Variants in CHRM3 observed in about 807,000 individuals in gnomAD.
CHRM3 encodes muscarinic acetylcholine receptor M3.
Under a neutral mutation model 41.8 loss-of-function variants are expected in CHRM3, and 11 were observed. The ratio of observed to expected loss-of-function variants is 0.26; its 90% CI spans 0.17 to 0.44. The LOEUF (loss-of-function observed/expected upper bound fraction) is 0.44. Among genes scored for constraint, CHRM3 ranks in the 20% least tolerant of loss-of-function variants. The pLI, the probability that CHRM3 is intolerant of heterozygous loss-of-function variation, is 1.00. For synonymous variants in CHRM3, 297 were observed against 301.4 expected (o/e 0.99, Z 0.15); for missense variants, 571 against 745.4 (o/e 0.77, Z 2.72).
At chr1:239,848,512 T>A (rs1416483989) in intron 6 of CHRM3, among the ~76,000 whole-genome samples, 1 of 151,930 alleles carries the variant, frequency 6.6e-6, no homozygotes, top group African/African-American at 2.4e-5. Context: ...GATCTATATA[T>A]GTTGTATATA....
intron 3 of CHRM3, among the ~76,000 whole-genome samples, chr1:239,607,486 C>T (rs1319885691): frequency 1.3e-5 from 2 of 151,958 alleles, no homozygotes; most frequent in Non-Finnish European, 2.9e-5. Context: ...GGAATAAAAA[C>T]GTGCTTACGA....
intron 5 of CHRM3, among the ~76,000 whole-genome samples, chr1:239,745,474 CCTTTGTTTAATGTTA>C (rs1665268878): frequency 6.6e-6 from 1 of 151,850 alleles, no homozygotes; most frequent in Admixed American, 6.6e-5. Context: ...CCAATAGTGG[CCTTTGTTTAATGTTA>C]CTTTTTCTTT....
intron 3 of CHRM3, among the ~76,000 whole-genome samples, chr1:239,549,659 T>TAAA (rs542326965): frequency 8.3e-6 from 1 of 119,798 alleles, no homozygotes; most frequent in Non-Finnish European, 1.8e-5. Flanking sequence ...AGACTCCATC[T>TAAA]AAAAAAAAAA....
chr1:239,455,401 C>CA, intron 1 of CHRM3, among the ~76,000 whole-genome samples: 1 of 151,782 alleles, frequency 6.6e-6, no homozygotes, highest in Non-Finnish European at 1.5e-5. Context: ...AGGCAGGTCC[C>CA]TCAAGGGGTG....
intron 2 of CHRM3, among the ~76,000 whole-genome samples, chr1:239,535,948 C>A (rs1242447955): frequency 6.6e-6 from 1 of 152,116 alleles, no homozygotes; most frequent in African/African-American, 2.4e-5. Context: ...GAGGCTGAGG[C>A]AGGTTAGATA....
chr1:239,894,595 G>A (rs1197719192), intron 6 of CHRM3, among the ~76,000 whole-genome samples: 10 of 151,978 alleles, frequency 6.6e-5, no homozygotes, highest in Non-Finnish European at 1.2e-4. Context: ...ACCATACCTG[G>A]CTAATTTTTT....
intron 1 of CHRM3, among the ~76,000 whole-genome samples, chr1:239,437,545 TA>T: frequency 6.6e-6 from 1 of 152,296 alleles, no homozygotes; most frequent in Middle Eastern, 3.4e-3. Flanking sequence ...TTTTTATTTT[TA>T]TTTTTTTTGA....
chr1:239,529,555 T>C (rs1179829826), intron 2 of CHRM3, among the ~76,000 whole-genome samples: 1 of 140,448 alleles, frequency 7.1e-6, no homozygotes, highest in Non-Finnish European at 1.5e-5. Context: ...GAGGTTGCAG[T>C]GAGCCAAGAT....
intron 3 of CHRM3, among the ~76,000 whole-genome samples, chr1:239,594,252 A>T (rs1412882422): frequency 6.6e-6 from 1 of 152,262 alleles, no homozygotes; most frequent in African/African-American, 2.4e-5. Context: ...CGATTGTACT[A>T]CTTGGCAGTT....
rs181263278 is a variant in CHRM3, at chr1:239,430,140, G to A, written c.-521+42913G>A. On this transcript the variant is annotated intron_variant, in intron 1 of 6. Coordinates refer to ENST00000676153, the MANE Select transcript of CHRM3 (RefSeq NM_001375978.1). ...CACCACCACACCTGGCTAATTTTTT[G>A]TATTTTTAGTAGAGACGGGGTTTCA... Among the ~76,000 whole-genome samples, 1,009 of 151,740 alleles carry A rather than the reference G, an allele frequency of 6.6e-3. 13 individuals are homozygous for A. The highest frequency in any genetic ancestry group is 0.023 in the African/African-American group (941 of 41,380).
At chr1:239,866,304 G>A (rs983989667) in intron 6 of CHRM3, among the ~76,000 whole-genome samples, 1 of 152,090 alleles carries the variant, frequency 6.6e-6, no homozygotes, top group Non-Finnish European at 1.5e-5. Flanking sequence ...GTGAACCCGG[G>A]AGGCGGAGCT....
chr1:239,753,920 C>T (rs774519886), intron 5 of CHRM3, among the ~76,000 whole-genome samples: 5 of 152,076 alleles, frequency 3.3e-5, no homozygotes, highest in Non-Finnish European at 5.9e-5. Context: ...CTTCCAACAT[C>T]GTCAATCATG....
chr1:239,725,695 G>T (rs537318584), intron 5 of CHRM3, among the ~76,000 whole-genome samples: 2 of 151,902 alleles, frequency 1.3e-5, no homozygotes, highest in Non-Finnish European at 2.9e-5. Flanking sequence ...AGTAATGAAA[G>T]CTTTGCTGTC....
intron 3 of CHRM3, among the ~76,000 whole-genome samples, chr1:239,566,830 A>G (rs980461995): frequency 6.6e-6 from 1 of 152,208 alleles, no homozygotes; most frequent in South Asian, 2.1e-4. Context: ...TACAAATACA[A>G]TTCCTTTCAC....
At chr1:239,790,506 A>G (rs1669256172) in intron 5 of CHRM3, among the ~76,000 whole-genome samples, 1 of 152,214 alleles carries the variant, frequency 6.6e-6, no homozygotes, top group African/African-American at 2.4e-5. Context: ...CATGTAAGAC[A>G]TGACTTTGCT....
chr1:239,753,885 A>G (rs892453539), intron 5 of CHRM3, among the ~76,000 whole-genome samples: 3 of 152,234 alleles, frequency 2.0e-5, no homozygotes, highest in African/African-American at 7.2e-5. Context: ...AATTCAATAC[A>G]AGTAAACAGT....
chr1:239,525,592 T>C (rs1669940509), intron 2 of CHRM3, among the ~76,000 whole-genome samples: 2 of 152,196 alleles, frequency 1.3e-5, no homozygotes, highest in South Asian at 2.1e-4. Flanking sequence ...TCCCAGATTG[T>C]TCTTTAGAGA....
chr1:239,418,285 T>A (rs1224925243), intron 1 of CHRM3, among the ~76,000 whole-genome samples: 4 of 152,186 alleles, frequency 2.6e-5, no homozygotes, highest in African/African-American at 9.7e-5. Flanking sequence ...CTGCTTAAAA[T>A]CAAGATCAAG....
chr1:239,810,104 C>T (rs1671001548), intron 5 of CHRM3, among the ~76,000 whole-genome samples: 1 of 151,688 alleles, frequency 6.6e-6, no homozygotes, highest in African/African-American at 2.4e-5. Flanking sequence ...TGTGCCAAGC[C>T]ACAAGCTTGG....
Sources: gnomAD v4.1 joint callset for allele counts (sites outside exome capture counted in the v4.1 genomes callset) on GRCh38, gnomAD v4.1.1 for gene constraint, MANE v1.5 for transcripts, NCBI Gene and HGNC (gene_info 2026-07-23, HGNC 2026-07-21) for gene names.